The following LONP1 variants were observed in gnomAD, a reference collection of about 807,000 sequenced individuals.
The protein encoded by LONP1 is lon protease homolog, mitochondrial.
A neutral mutation model predicts 98.5 loss-of-function variants in LONP1; 31 were observed. The ratio of observed to expected loss-of-function variants is 0.31; its 90% CI spans 0.24 to 0.42. The LOEUF (loss-of-function observed/expected upper bound fraction) is 0.42. Among genes scored for constraint, LONP1 ranks in the 20% least tolerant of loss-of-function variants. The pLI, the probability that LONP1 is intolerant of heterozygous loss-of-function variation, is 1.00. For synonymous variants in LONP1, 781 were observed against 594.7 expected (o/e 1.31, Z -4.56); for missense variants, 1,336 against 1,350.6 (o/e 0.99, Z 0.17).
chr19:5,719,047 T>TAA (rs2055376787), intron 1 of LONP1, among the ~76,000 whole-genome samples: 1 of 152,192 alleles, frequency 6.6e-6, no homozygotes, highest in African/African-American at 2.4e-5. Flanking sequence ...TGTCTCATCC[T>TAA]GCCAAAATGT....
chr19:5,720,319 T>C (rs957151730), upstream of LONP1: 15 of 866,698 alleles, frequency 1.7e-5, no homozygotes, highest in Admixed American at 3.7e-5. Flanking sequence ...CCTCTTCCGG[T>C]CTCCCACTTT....
chr19:5,717,083 C>T (rs1383298098), intron 1 of LONP1, among the ~76,000 whole-genome samples: 4 of 152,286 alleles, frequency 2.6e-5, no homozygotes, highest in Non-Finnish European at 4.4e-5. Flanking sequence ...CGTGAGCCAC[C>T]GCGCCCAGCC....
At chr19:5,712,208 C>G (rs2055250240) in intron 3 of LONP1, 3 of 561,622 alleles carry the variant, frequency 5.3e-6, no homozygotes, top group Non-Finnish European at 9.5e-6. Context: ...CCCTTAGACT[C>G]CAGCCAGATT....
At chr19:5,704,679 C>CA (rs1353036734) in intron 8 of LONP1, among the ~76,000 whole-genome samples, 1 of 152,224 alleles carries the variant, frequency 6.6e-6, no homozygotes, top group Non-Finnish European at 1.5e-5. Flanking sequence ...GAAAGGATCT[C>CA]AGAGGTACCT....
At chr19:5,697,612 G>A (rs1256703100) in intron 10 of LONP1, among the ~76,000 whole-genome samples, 1 of 140,776 alleles carries the variant, frequency 7.1e-6, no homozygotes, top group African/African-American at 2.6e-5. Context: ...AGGGGGTGGG[G>A]CAGGTCATGC....
chr19:5,706,479 C>T (rs1032636351), intron 7 of LONP1, among the ~76,000 whole-genome samples: 17 of 152,028 alleles, frequency 1.1e-4, no homozygotes, highest in African/African-American at 9.7e-5. Context: ...TGGTATTGCA[C>T]GCCTGTAATC....
intron 7 of LONP1, among the ~76,000 whole-genome samples, chr19:5,706,306 T>G (rs2055144695): frequency 6.6e-6 from 1 of 152,138 alleles, no homozygotes; most frequent in African/African-American, 2.4e-5. Flanking sequence ...GCTCTAATTT[T>G]AAAATTTTTT....
intron 17 of LONP1, 23 bp downstream of exon 17, chr19:5,693,275 G>C: frequency 6.3e-7 from 1 of 1,590,914 alleles, no homozygotes; most frequent in Non-Finnish European, 8.6e-7. Context: ...CCAGTGCTGT[G>C]GGGTGGGTAC....
chr19:5,698,530 G>A (rs117261656), intron 10 of LONP1, among the ~76,000 whole-genome samples: 2,252 of 152,262 alleles, frequency 0.015, 37 homozygotes, highest in South Asian at 0.035. Context: ...GAGGCTGGCC[G>A]GGACGAGTGA....
chr19:5,695,015 GTCCCTGATGGTGA>G, intron 13 of LONP1, 114 bp from the exon 14 acceptor site: 1 of 1,257,348 alleles, frequency 8.0e-7, no homozygotes, highest in Non-Finnish European at 1.1e-6. Context: ...TGGGAACGAG[GTCCCTGATGGTGA>G]AACCAGGGCC....
intron 8 of LONP1, among the ~76,000 whole-genome samples, chr19:5,703,180 CAAAAA>C (rs35471644): frequency 1.3e-5 from 1 of 77,102 alleles, no homozygotes; most frequent in Non-Finnish European, 2.6e-5. Flanking sequence ...GACTCCATCT[CAAAAA>C]AAAAAAAAAA....
rs376751585 is a variant in LONP1 at position 5,692,170 on chromosome 19, G to T, written c.2742C>A (p.Ala914=). The T allele has an allele frequency of 1.2e-6, 2 of 1,614,094 alleles. No individual in the cohort carries two copies. The highest frequency in any genetic ancestry group is 1.3e-5 in the African/African-American group (1 of 75,052). The change falls in exon 18 of 18, where the codon GCC becomes GCA. Residue 914 remains alanine (A), a synonymous_variant. Coordinates refer to ENST00000360614, the MANE Select transcript of LONP1 (RefSeq NM_004793.4). Reference sequence around the variant, plus strand: ...GGTCGTAGAAGTCCTTCTTGTTCTCGGCTGGCAGGACGATGCACGTCACCC... The same window carrying T: ...GGTCGTAGAAGTCCTTCTTGTTCTCTGCTGGCAGGACGATGCACGTCACCC... ...RAGVTCIVLP[A]ENKKDFYDLA...
In LONP1 at chr19:5,692,248, G is replaced by C. The variant is rs754712323; in HGVS notation, c.2704-40C>G. 4.4e-6 allele frequency: 7 copies of C among 1,574,104 alleles called. No individual in the cohort carries two copies. The Admixed American group carries it at 1.3e-4, about 28-fold the overall frequency. ...AGGGTCAGCCCTGCCTGGGCCTGTGGGAGGGCAGCAGGTGTGCTAACCTCC... is the reference window on the plus strand; with the variant it reads ...AGGGTCAGCCCTGCCTGGGCCTGTGCGAGGGCAGCAGGTGTGCTAACCTCC... On this transcript the variant is annotated intron_variant, in intron 17 of 17. Transcript: ENST00000360614.
chr19:5,698,868 CCGCCA>C (rs2054991073), intron 10 of LONP1, among the ~76,000 whole-genome samples, 154 bp downstream of exon 10: 1 of 152,268 alleles, frequency 6.6e-6, no homozygotes, highest in South Asian at 2.1e-4. Flanking sequence ...GGCCTGAAGT[CCGCCA>C]CATGGCTGGA....
rs2055026287 is a variant in LONP1, at chr19:5,700,781, G to A, written c.1506+8C>T. The A allele has an allele frequency of 6.2e-7, 1 of 1,613,944 alleles. No homozygotes were observed. The highest frequency in any genetic ancestry group is 1.3e-5 in the African/African-American group (1 of 74,934). On this transcript the variant is annotated splice_region_variant and intron_variant, in intron 9 of 17. Coordinates refer to ENST00000360614, the MANE Select transcript of LONP1 (RefSeq NM_004793.4). Reference sequence around the variant, plus strand: ...GCAAATCCACAACAGGCCAGACACTGGGCTCACCAGGATGCGTTTCTTGAC... The same window carrying A: ...GCAAATCCACAACAGGCCAGACACTAGGCTCACCAGGATGCGTTTCTTGAC...
intron 16 of LONP1, 24 bp from the exon 17 acceptor site, chr19:5,693,486 G>T: frequency 6.2e-7 from 1 of 1,611,652 alleles, no homozygotes; most frequent in Non-Finnish European, 8.5e-7. Flanking sequence ...TGGGGATAGT[G>T]GGTGAGCAGG....
In LONP1 at chr19:5,692,030, C is replaced by T. The variant is rs749237979; in HGVS notation, c.*2G>A. 41 of 1,273,596 alleles carry T rather than the reference C, an allele frequency of 3.2e-5. No homozygotes were observed. Among genetic ancestry groups the T allele is most frequent in the Middle Eastern group, 2.0e-4 (1 of 4,886 alleles). 78.9% of individuals were successfully genotyped at this position (1,273,596 alleles called of 1,614,324 possible). ...CCGCCGCCTGCAGTCCCGGGGTGGC[C>T]GTCACCGTTCCACGGCCAGCGCCTC... is the stretch of plus-strand genomic sequence containing the variant. On this transcript the variant is annotated 3_prime_UTR_variant, in exon 18 of 18. Coordinates refer to ENST00000360614, the MANE Select transcript of LONP1 (RefSeq NM_004793.4).
Position 5,693,444 on chromosome 19 carries a change from C to A in LONP1, c.2557G>T (p.Gly853Cys). ...ACGATGGTGCAGCCTGCGCTTGGGC[C>A]GTCCTTGGGGGTGGCGCCCTGTGGA... ...HVPEGATPKD[G>C]PSAGCTIVTA... The change falls in exon 17 of 18, where the codon GGC (glycine) becomes TGC (cysteine). Residue 853 changes from glycine (G) to cysteine (C), a missense_variant. Physicochemically the swap from Gly to Cys is radical, Grantham distance 159 (BLOSUM62 -3). This residue lies in a region of LONP1 where 555 missense variants were observed against 542.6 expected (regional missense o/e 1.02). Coordinates refer to ENST00000360614, the MANE Select transcript of LONP1 (RefSeq NM_004793.4). The A allele has an allele frequency of 6.2e-7, 1 of 1,611,458 alleles. No individual in the cohort carries two copies. Among genetic ancestry groups the A allele is most frequent in the African/African-American group, 1.3e-5 (1 of 75,024 alleles).
chr19:5,694,616 TGAC>T, intron 14 of LONP1, 64 bp from the exon 15 acceptor site: 1 of 1,477,986 alleles, frequency 6.8e-7, no homozygotes, highest in Non-Finnish European at 9.3e-7. Flanking sequence ...GGTGGTGGGG[TGAC>T]GGGCACAGAA....
Sources: gnomAD v4.1 joint callset for allele counts (sites outside exome capture counted in the v4.1 genomes callset) on GRCh38, gnomAD v4.1.1 for gene constraint, gnomAD v4.1.1 regional missense constraint, MANE v1.5 for transcripts, NCBI Gene and HGNC (gene_info 2026-07-23, HGNC 2026-07-21) for gene names.